SETD7: variants seen among roughly 807,000 people sequenced by gnomAD.
SETD7 encodes the protein SET domain containing 7, histone lysine methyltransferase.
SETD7 carries 16 observed loss-of-function variants against 41.8 expected under a neutral mutation model. The ratio of observed to expected loss-of-function variants is 0.38; its 90% confidence interval spans 0.26 to 0.58. The LOEUF (loss-of-function observed/expected upper bound fraction) is 0.58. Ranked by LOEUF, SETD7 falls within the 20% of genes least tolerant of loss-of-function variation. The pLI, the probability that SETD7 is intolerant of heterozygous loss-of-function variation, is 0.64. For synonymous variants in SETD7, 163 were observed against 169.7 expected (o/e 0.96, Z 0.31); for missense variants, 346 against 459.7 (o/e 0.75, Z 2.26).
intron 2 of SETD7, among the ~76,000 whole-genome samples, chr4:139,540,899 C>T (rs1727761415): frequency 6.6e-6 from 1 of 152,202 alleles, no homozygotes; most frequent in Admixed American, 6.5e-5. Flanking sequence ...CAAGCACTTT[C>T]TGAAAACTAA....
intron 2 of SETD7, among the ~76,000 whole-genome samples, chr4:139,545,514 A>G (rs1192673068): frequency 2.0e-5 from 3 of 152,224 alleles, no homozygotes; most frequent in Non-Finnish European, 4.4e-5. Context: ...TTTAAAATTT[A>G]CAGTTTGTAA....
intron 5 of SETD7, among the ~76,000 whole-genome samples, chr4:139,522,703 C>T (rs1387936085): frequency 6.7e-6 from 1 of 148,994 alleles, no homozygotes; most frequent in Non-Finnish European, 1.5e-5. Context: ...AACGGGAATG[C>T]TCGGCCAGGA....
At chr4:139,496,397 C>T (rs766091457) in exon 8 of SETD7, 6 of 702,496 alleles carry the variant, frequency 8.5e-6, no homozygotes, top group South Asian at 7.4e-5. Context: ...CCTTGGGCTG[C>T]ACTATAAAGA....
chr4:139,501,170 C>T (rs551232354), downstream of SETD7, among the ~76,000 whole-genome samples: 16 of 152,260 alleles, frequency 1.1e-4, no homozygotes, highest in South Asian at 2.5e-3. Flanking sequence ...ATCCGTTTCC[C>T]TCACTAAAAT....
Position 139,555,182 on chromosome 4 carries a change from C to A in SETD7, c.40+916G>T, listed in dbSNP as rs371099663. Among the ~76,000 whole-genome samples, 1,314 of 109,284 alleles carry A rather than the reference C, an allele frequency of 0.012. No individual in the cohort carries two copies. The highest frequency in any genetic ancestry group is 0.014 in the Non-Finnish European group (714 of 51,534). 71.7% of individuals were successfully genotyped at this position (109,284 alleles called of 152,430 possible). ...CCCCACATCGTTTTTTCAGAACTAA[C>A]AAAAAAAAAAAAAAAAAGGTGGAGA... On this transcript the variant is annotated intron_variant, in intron 1 of 7. Coordinates refer to ENST00000274031, the MANE Select transcript of SETD7 (RefSeq NM_030648.4). This position sits in a 1 kb window ranked among gnomAD's most constrained non-coding sequence, Gnocchi z 4.0.
At chr4:139,495,758 G>A (rs1287748175), downstream of SETD7, among the ~76,000 whole-genome samples, 1 of 152,144 alleles carries the variant, frequency 6.6e-6, no homozygotes, top group Non-Finnish European at 1.5e-5. Flanking sequence ...CCATATCAGG[G>A]AGTTTTCAGT....
chr4:139,509,917 T>G lies in SETD7; in HGVS notation c.*1746A>C. ...TCCAACTGGATCTCCCTGAAACCAC[T>G]GCCACCTAGCTGCAAAGCATGCAAC... On this transcript the variant is annotated 3_prime_UTR_variant, in exon 8 of 8. Transcript: ENST00000274031. 1 of 983,712 alleles carries G rather than the reference T, an allele frequency of 1.0e-6. No individual in the cohort carries two copies. Among genetic ancestry groups the G allele is most frequent in the South Asian group, 4.7e-5 (1 of 21,250 alleles). The allele number at this position is 983,712 out of a possible 1,614,324, so 60.9% of individuals were successfully genotyped here.
rs1258779938 is a variant in SETD7, at chr4:139,499,174, AACTG to A, written c.921-2657_921-2654del. Among the ~76,000 whole-genome samples, 26 of 152,370 alleles carry A rather than the reference AACTG, an allele frequency of 1.7e-4. No homozygotes were observed. The East Asian group carries it at 4.6e-3, about 27-fold the overall frequency. On this transcript the variant is annotated intron_variant, in intron 7 of 7. Coordinates refer to the SETD7 transcript ENST00000506866. ...AATTATAGTCAGAGAAATCTGACAT[AACTG>A]ACTATCTTGCTTCTACCAGGTTAAC...
intron 3 of SETD7, 33 bp downstream of exon 3, chr4:139,533,132 C>T (rs1487004855): frequency 1.3e-6 from 2 of 1,571,286 alleles, no homozygotes; most frequent in Non-Finnish European, 8.8e-7. Flanking sequence ...CAGTATGTTA[C>T]TTTCCAGCAG....
chr4:139,517,976 C>T lies in SETD7; in HGVS notation c.829G>A (p.Val277Met), dbSNP rs375360880. ...LSLDEETVID[V>M]PEPYNHVSKY... ...GATACGTGGTTATAGGGCTCAGGCA[C>T]ATCAATGACCGTTTCTTCATCAAGG... Residue 277 changes from valine (V) to methionine (M), a missense_variant, in exon 7 of 8, where the codon GTG (valine) becomes ATG (methionine). Val to Met is a conservative substitution (Grantham distance 21). Around this residue, in one of 3 missense-constraint regions of SETD7, gnomAD observed 266 missense variants for 377.0 expected, o/e 0.71. Coordinates refer to ENST00000274031, the MANE Select transcript of SETD7 (RefSeq NM_030648.4). The T allele has an allele frequency of 6.2e-7, 1 of 1,613,966 alleles. No individual in the cohort carries two copies. The highest frequency in any genetic ancestry group is 1.3e-5 in the African/African-American group (1 of 74,894).
chr4:139,497,010 ACAGATAACTGTGCTC>A (rs1031279315), intron 7 of SETD7, among the ~76,000 whole-genome samples: 35 of 152,224 alleles, frequency 2.3e-4, no homozygotes, highest in Non-Finnish European at 7.3e-5. Flanking sequence ...CTCGTGTTTT[ACAGATAACTGTGCTC>A]CAGGCAGAGA....
At chr4:139,496,653 A>C in intron 7 of SETD7, 1 of 608,832 alleles carries the variant, frequency 1.6e-6, no homozygotes, top group South Asian at 2.0e-5. Flanking sequence ...AATCTTCTCC[A>C]TCCTCTCTTT....
At chr4:139,535,205 T>C (rs557338682) in intron 2 of SETD7, among the ~76,000 whole-genome samples, 2 of 152,316 alleles carry the variant, frequency 1.3e-5, no homozygotes, top group African/African-American at 4.8e-5. Flanking sequence ...AAGAAACTAT[T>C]CATTTATCTT....
chr4:139,551,724 A>G (rs1427511468), intron 1 of SETD7, among the ~76,000 whole-genome samples: 1 of 152,206 alleles, frequency 6.6e-6, no homozygotes, highest in Non-Finnish European at 1.5e-5. Flanking sequence ...TTGCTTTAAA[A>G]AACAACAATT....
rs558534176 is a variant in SETD7 at position 139,537,814 on chromosome 4, T to C, written c.171-4448A>G. ...CATTCTTATATGAATTCGATATGCA[T>C]ACAGGCTGTACGTGAGGAAAGTTTC... is the stretch of plus-strand genomic sequence containing the variant. On this transcript the variant is annotated intron_variant, in intron 2 of 7. Coordinates refer to ENST00000274031, the MANE Select transcript of SETD7 (RefSeq NM_030648.4). 3.3e-5 allele frequency among the ~76,000 whole-genome samples: 5 copies of C among 152,342 alleles called. No homozygotes were observed. The South Asian group carries it at 1.0e-3, about 32-fold the overall frequency.
rs1726714280 is a variant in SETD7, at chr4:139,506,726, C to T, written c.*4937G>A. 6.6e-6 allele frequency: 1 copy of T among 152,572 alleles called. No homozygotes were observed. Among genetic ancestry groups the T allele is most frequent in the Non-Finnish European group, 1.5e-5 (1 of 68,030 alleles). The allele number at this position is 152,572 out of a possible 1,614,324, so 9.5% of individuals were successfully genotyped here. A position where few individuals can be genotyped will look rare whatever the true frequency, so the allele number is the denominator to read the frequency against. On this transcript the variant is annotated 3_prime_UTR_variant, in exon 8 of 8. Coordinates refer to ENST00000274031, the MANE Select transcript of SETD7 (RefSeq NM_030648.4). ...AAAAAACCCCACTCAAGTTGAATATCATCATAAAGGAGTTTTTGTTTGTTT... is the reference window on the plus strand; with the variant it reads ...AAAAAACCCCACTCAAGTTGAATATTATCATAAAGGAGTTTTTGTTTGTTT...
chr4:139,545,068 G>A (rs1439882015), intron 2 of SETD7, among the ~76,000 whole-genome samples: 1 of 152,056 alleles, frequency 6.6e-6, no homozygotes, highest in Non-Finnish European at 1.5e-5. Flanking sequence ...TGCAGAATAA[G>A]GTTAAAAGTG....
At chr4:139,546,154 A>C (rs540650937) in intron 2 of SETD7, 1 of 152,546 alleles carries the variant, frequency 6.6e-6, no homozygotes, top group Non-Finnish European at 1.5e-5. Flanking sequence ...CCTGTTGTGA[A>C]AAATACTGTA....
intron 3 of SETD7, among the ~76,000 whole-genome samples, chr4:139,529,967 G>T (rs1310853996): frequency 6.6e-6 from 1 of 152,128 alleles, no homozygotes; most frequent in East Asian, 1.9e-4. Context: ...TTAGCTTCAT[G>T]CTTAACTCTT....
Sources: gnomAD v4.1 joint callset for allele counts (sites outside exome capture counted in the v4.1 genomes callset) on GRCh38, gnomAD v4.1.1 for gene constraint, gnomAD v4.1.1 regional missense constraint, Gnocchi (gnomAD v3.1) non-coding constraint, MANE v1.5 for transcripts, NCBI Gene and HGNC (gene_info 2026-07-23, HGNC 2026-07-21) for gene names.